Variants in DOCK9 observed in about 807,000 individuals in gnomAD.
DOCK9 encodes dedicator of cytokinesis protein 9.
DOCK9 carries 89 observed loss-of-function variants against 263.3 expected under a neutral mutation model. That is an observed-to-expected ratio of 0.34 (90% CI 0.28 to 0.40). DOCK9 has a LOEUF of 0.40. DOCK9 is among the 10% of genes least tolerant of loss of function. The pLI is 1.00. For synonymous variants in DOCK9, 976 were observed against 973.1 expected (o/e 1.00, Z -0.06); for missense variants, 2,140 against 2,603.4 (o/e 0.82, Z 3.87).
chr13:98,819,889 T>G (rs2092154677), intron 45 of DOCK9, among the ~76,000 whole-genome samples: 1 of 152,238 alleles, frequency 6.6e-6, no homozygotes, highest in East Asian at 1.9e-4. Flanking sequence ...ATAGAAACAA[T>G]TTTGACGAAT....
chr13:98,809,319 T>C (rs752852633), intron 47 of DOCK9, 33 bp downstream of exon 47: 1 of 1,559,398 alleles, frequency 6.4e-7, no homozygotes, highest in Non-Finnish European at 8.8e-7. Flanking sequence ...TTAAAGGACT[T>C]AGGACAGTCT....
At position 98,860,401 on chromosome 13, in the gene DOCK9, T is replaced by C; in HGVS notation, c.3697+4A>G. The stretch of plus-strand genomic sequence containing the variant: ...GAGAAGCCCACAAGAGCATGGAGCG[T>C]TACCAATGCCGGAGATGGCGCCCAG... On this transcript the variant is annotated splice_donor_region_variant and intron_variant, in intron 33 of 52. Coordinates refer to ENST00000682017, the MANE Select transcript of DOCK9 (RefSeq NM_001366683.2). 1 of 1,577,868 alleles carries C rather than the reference T, an allele frequency of 6.3e-7. No homozygotes were observed. Among genetic ancestry groups the C allele is most frequent in the Non-Finnish European group, 8.6e-7 (1 of 1,160,330 alleles).
intron 2 of DOCK9, chr13:98,950,268 C>G (rs2057254478): frequency 1.3e-6 from 1 of 778,216 alleles, no homozygotes; most frequent in East Asian, 2.6e-5. Flanking sequence ...CGTGTTTCTG[C>G]CACGAGGAAT....
At chr13:98,830,744 T>G (rs1481829185) in intron 41 of DOCK9, among the ~76,000 whole-genome samples, 1 of 152,166 alleles carries the variant, frequency 6.6e-6, no homozygotes, top group Non-Finnish European at 1.5e-5. Context: ...GTGACCTCCA[T>G]TAGACTACAC....
chr13:98,914,194 C>CA lies in DOCK9; in HGVS notation c.960+133dup. The CA allele has an allele frequency of 9.6e-6, 7 of 731,214 alleles. 1 individual carries two copies. In the South Asian group the frequency reaches 1.4e-4, roughly 14 times the overall value. 45.3% of individuals were successfully genotyped at this position (731,214 alleles called of 1,614,324 possible). On this transcript the variant is annotated intron_variant, in intron 9 of 52. Transcript: ENST00000682017. ...GCATGAGTACACGTCACCTCGTAAT[C>CA]AGGTCAGAAAAAGAGAGAGGTAATC... is the stretch of plus-strand genomic sequence containing the variant.
chr13:99,086,886 C>G (rs939302342), upstream of DOCK9, among the ~76,000 whole-genome samples: 69 of 151,776 alleles, frequency 4.5e-4, no homozygotes, highest in Non-Finnish European at 8.0e-4. Context: ...CCGGGCCGCA[C>G]GTCCGAAGAC....
At position 98,848,446 on chromosome 13, in the gene DOCK9, C is replaced by T. The variant is rs2296989; in HGVS notation, c.4061+146G>A. The T allele has an allele frequency of 0.017, 12,380 of 742,060 alleles. 1,677 individuals are homozygous for T. In the East Asian group the frequency reaches 0.28, roughly 17 times the overall value. The allele number at this position is 742,060 out of a possible 1,614,324, so 46.0% of individuals were successfully genotyped here. A position where few individuals can be genotyped will look rare whatever the true frequency, so the allele number is the denominator to read the frequency against. On this transcript the variant is annotated intron_variant, in intron 37 of 52. Coordinates refer to ENST00000682017, the MANE Select transcript of DOCK9 (RefSeq NM_001366683.2). ...AGACCAAAGACACTGCCAGGCTCTG[C>T]GGTGGCAATCCAAGGGCCTGCCATC...
Position 98,902,982 on chromosome 13 carries a change from G to T in DOCK9, c.1166C>A (p.Pro389His). ...QCCVAENEEG[P>H]TTNVEPFFVT... ...AAAATGAAAAATTACATTTGTAGTG[G>T]GTCCTTCTTCATTTTCGGCAACACA... The change falls in exon 11 of 53, where the codon CCC (proline) becomes CAC (histidine). Residue 389 changes from proline to histidine, a missense_variant. Transcript: ENST00000682017. 1 of 1,507,608 alleles carries T rather than the reference G, an allele frequency of 6.6e-7. No individual in the cohort carries two copies. The highest frequency in any genetic ancestry group is 1.3e-5 in the South Asian group (1 of 76,012). The allele number at this position is 1,507,608 out of a possible 1,614,324, so 93.4% of individuals were successfully genotyped here.
chr13:99,082,565 A>AAAT (rs2042169935), intron 1 of DOCK9, among the ~76,000 whole-genome samples: 1 of 20,204 alleles, frequency 4.9e-5, no homozygotes, highest in Non-Finnish European at 9.1e-5. Context: ...ATAAATAAAT[A>AAAT]AAAAAAAACA....
intron 38 of DOCK9, among the ~76,000 whole-genome samples, chr13:98,839,133 A>G (rs1052100987): frequency 1.3e-5 from 2 of 152,222 alleles, no homozygotes; most frequent in Non-Finnish European, 2.9e-5. Flanking sequence ...TTGCTTTTAC[A>G]AAGGTGGTGC....
intron 1 of DOCK9, among the ~76,000 whole-genome samples, chr13:99,053,705 G>A (rs1311416919): frequency 6.6e-6 from 1 of 152,130 alleles, no homozygotes; most frequent in African/African-American, 2.4e-5. Flanking sequence ...GGCCTGGAGT[G>A]AGGATCAGTT....
chr13:98,845,271 T>A (rs1304354330), intron 38 of DOCK9: 1 of 1,250,172 alleles, frequency 8.0e-7, no homozygotes, highest in Non-Finnish European at 1.1e-6. Flanking sequence ...ACAAAAAGGG[T>A]CTTGGCTTGC....
chr13:99,000,974 C>T (rs1269118158), intron 1 of DOCK9, among the ~76,000 whole-genome samples: 38 of 152,008 alleles, frequency 2.5e-4, no homozygotes, highest in Admixed American at 2.4e-3. Context: ...GAGGCCAAGG[C>T]GCAACAGCAG....
At chr13:98,940,575 T>C (rs979226732) in intron 2 of DOCK9, among the ~76,000 whole-genome samples, 2 of 152,162 alleles carry the variant, frequency 1.3e-5, no homozygotes, top group African/African-American at 4.8e-5. Context: ...GGCTGAGTCT[T>C]GATACGAGCA....
intron 1 of DOCK9, among the ~76,000 whole-genome samples, chr13:99,023,409 T>C (rs569947012): frequency 3.3e-4 from 50 of 152,340 alleles, no homozygotes; most frequent in Non-Finnish European, 6.3e-4. Flanking sequence ...ACGATTCCAT[T>C]TGAAGTATTT....
chr13:98,995,782 C>A (rs1395789798), intron 1 of DOCK9, among the ~76,000 whole-genome samples: 1 of 152,110 alleles, frequency 6.6e-6, no homozygotes, highest in African/African-American at 2.4e-5. Context: ...GCCACTGCGC[C>A]CGGCCGGAAG....
chr13:98,943,137 A>G (rs964730150), intron 2 of DOCK9, among the ~76,000 whole-genome samples: 6 of 152,268 alleles, frequency 3.9e-5, no homozygotes, highest in African/African-American at 1.4e-4. Context: ...CTCCTGTCAG[A>G]GCAGCATTTC....
intron 27 of DOCK9, among the ~76,000 whole-genome samples, chr13:98,870,427 G>A (rs2094155180): frequency 6.6e-6 from 1 of 152,162 alleles, no homozygotes; most frequent in Non-Finnish European, 1.5e-5. Flanking sequence ...AGCATCAATA[G>A]ATGACCAATT....
chr13:99,066,413 C>T (rs2041419196), intron 1 of DOCK9, among the ~76,000 whole-genome samples: 1 of 152,140 alleles, frequency 6.6e-6, no homozygotes, highest in Non-Finnish European at 1.5e-5. Flanking sequence ...ATCTAGAACT[C>T]CACAAAAACT....
Sources: allele counts gnomAD v4.1 joint callset (sites outside exome capture counted in the v4.1 genomes callset), GRCh38; gene constraint gnomAD v4.1.1; transcripts MANE v1.5; gene names NCBI Gene and HGNC (gene_info 2026-07-23, HGNC 2026-07-21).